PUM2: variants seen among roughly 807,000 people sequenced by gnomAD.
PUM2 encodes the protein pumilio RNA binding family member 2, also known as pumilio homolog 2.
PUM2 carries 57 observed loss-of-function variants against 124.5 expected under a neutral mutation model. That is an observed-to-expected ratio of 0.46 (90% CI 0.37 to 0.57). The LOEUF (loss-of-function observed/expected upper bound fraction) is 0.57, where lower values mean the gene tolerates loss of function less well. Among genes scored for constraint, PUM2 ranks in the 20% least tolerant of loss-of-function variants. PUM2 has a pLI of 0.00. For missense variants in PUM2, 1,065 were observed against 1,290.6 expected (o/e 0.83, Z 2.68); for synonymous variants, 460 against 446.1 (o/e 1.03, Z -0.39).
intron 10 of PUM2, among the ~76,000 whole-genome samples, chr2:20,284,301 C>T (rs905185763): frequency 5.9e-5 from 9 of 152,130 alleles, no homozygotes; most frequent in African/African-American, 1.4e-4. Context: ...CCTTATAAAG[C>T]GACAAAAAAC....
intron 1 of PUM2, among the ~76,000 whole-genome samples, chr2:20,329,909 T>C (rs147207886): frequency 9.4e-4 from 142 of 151,784 alleles, no homozygotes; most frequent in African/African-American, 3.3e-3. Context: ...ATGGTAAAAA[T>C]ATTGAAGAAA....
intron 1 of PUM2, among the ~76,000 whole-genome samples, chr2:20,346,966 C>G (rs912304295): frequency 3.3e-5 from 5 of 152,258 alleles, no homozygotes; most frequent in Middle Eastern, 6.8e-3. Context: ...CTTCAATTAC[C>G]TCCCTTCTCC....
chr2:20,263,195 A>G lies in PUM2; in HGVS notation c.2223T>C (p.Ser741=), dbSNP rs776480947. ...TGAGAAATATCATAATCACCTACCT[A>G]GAACCATGCTGGTCTTGAGAAAACT... The part of the protein sequence containing the change: ...IVEFSQDQHG[S]RFIQQKLERA... The change falls in exon 14 of 21, where the codon TCT becomes TCC. Residue 741 remains serine, a splice_region_variant and synonymous_variant. Transcript: ENST00000361078. 1.3e-6 allele frequency: 2 copies of G among 1,594,670 alleles called. No homozygotes were observed. Among genetic ancestry groups the G allele is most frequent in the Admixed American group, 3.3e-5 (2 of 59,998 alleles).
chr2:20,301,158 T>C (rs1051277199), intron 7 of PUM2, among the ~76,000 whole-genome samples: 5 of 152,228 alleles, frequency 3.3e-5, no homozygotes, highest in Non-Finnish European at 7.3e-5. Context: ...CCAACCACCT[T>C]GGGCACATGT....
intron 2 of PUM2, among the ~76,000 whole-genome samples, chr2:20,320,515 A>G (rs947209817): frequency 5.3e-5 from 8 of 152,154 alleles, no homozygotes; most frequent in East Asian, 1.9e-4. Flanking sequence ...TGAATTACAT[A>G]TATTTTGCTA....
At chr2:20,314,616 G>A (rs1354281132) in intron 3 of PUM2, among the ~76,000 whole-genome samples, 1 of 152,202 alleles carries the variant, frequency 6.6e-6, no homozygotes, top group African/African-American at 2.4e-5. Context: ...CATACTGGTA[G>A]CCAGTTATCA....
intron 1 of PUM2, among the ~76,000 whole-genome samples, chr2:20,330,146 G>A (rs1684597473): frequency 6.6e-6 from 1 of 152,188 alleles, no homozygotes; most frequent in Admixed American, 6.5e-5. Flanking sequence ...ACTTGGACCA[G>A]AAATAATGGG....
chr2:20,347,171 T>C (rs1271775873), intron 1 of PUM2, among the ~76,000 whole-genome samples: 1 of 152,238 alleles, frequency 6.6e-6, no homozygotes, highest in African/African-American at 2.4e-5. Flanking sequence ...ATCCAGTAGC[T>C]AAACTTGCAG....
intron 3 of PUM2, among the ~76,000 whole-genome samples, chr2:20,313,508 TA>T (rs1392777171): frequency 2.0e-5 from 3 of 152,108 alleles, no homozygotes; most frequent in African/African-American, 7.2e-5. Context: ...ATTTATAACG[TA>T]ACAATTCATA....
intron 7 of PUM2, among the ~76,000 whole-genome samples, chr2:20,304,308 A>G (rs1324745157): frequency 6.6e-6 from 1 of 152,130 alleles, no homozygotes; most frequent in African/African-American, 2.4e-5. Context: ...TCTCCAACCA[A>G]CTACATAACC....
chr2:20,320,936 T>C (rs1475012827), intron 2 of PUM2, among the ~76,000 whole-genome samples: 2 of 152,240 alleles, frequency 1.3e-5, no homozygotes, highest in African/African-American at 4.8e-5. Flanking sequence ...TTTTATCCCA[T>C]ACTTCATGAA....
chr2:20,308,782 TA>T lies in PUM2; in HGVS notation c.519-199del, dbSNP rs775313127. On this transcript the variant is annotated intron_variant, in intron 5 of 20. Coordinates refer to ENST00000361078, the MANE Select transcript of PUM2 (RefSeq NM_015317.5). The stretch of plus-strand genomic sequence containing the variant: ...AACAGCTGGCATGATTTGAGGATTT[TA>T]AAAATATTATTAATGATTACTCCCT... Among the ~76,000 whole-genome samples the T allele has an allele frequency of 1.9e-3, 291 of 152,222 alleles. 1 individual carries two copies. The highest frequency in any genetic ancestry group is 3.4e-3 in the Middle Eastern group (1 of 294).
chr2:20,277,752 T>C (rs920318988), intron 13 of PUM2, among the ~76,000 whole-genome samples: 3 of 152,142 alleles, frequency 2.0e-5, no homozygotes, highest in African/African-American at 7.2e-5. Context: ...ATCTTTCCAA[T>C]TACATAAAAG....
intron 7 of PUM2, among the ~76,000 whole-genome samples, chr2:20,298,952 C>T (rs1413214482): frequency 1.3e-5 from 2 of 152,200 alleles, no homozygotes; most frequent in Non-Finnish European, 2.9e-5. Flanking sequence ...TGAAGGGTGG[C>T]ACACCCAGGG....
Position 20,297,595 on chromosome 2 carries a change from G to C in PUM2, c.967C>G (p.Pro323Ala). 2 of 1,613,324 alleles carry C rather than the reference G, an allele frequency of 1.2e-6. No homozygotes were observed. The highest frequency in any genetic ancestry group is 8.5e-7 in the Non-Finnish European group (1 of 1,179,378). ...GCAGCCAATCCTGCTGCAGTATACG[G>C]ATCGGTCCCTGGAGGAGCAGCACTA... ...IISAAPPGTDPYTAAGLAAAA... is the reference protein window; with the variant it reads ...IISAAPPGTDAYTAAGLAAAA... The change falls in exon 8 of 21, where the codon CCG (proline) becomes GCG (alanine). Residue 323 changes from proline to alanine, a missense_variant. Pro to Ala is a conservative substitution (Grantham distance 27, BLOSUM62 -1). Around this residue, in one of 3 missense-constraint regions of PUM2, gnomAD observed 968 missense variants for 1,159.8 expected, o/e 0.83. Coordinates refer to ENST00000361078, the MANE Select transcript of PUM2 (RefSeq NM_015317.5).
chr2:20,348,411 G>A (rs1387936101), intron 1 of PUM2, among the ~76,000 whole-genome samples: 1 of 152,070 alleles, frequency 6.6e-6, no homozygotes, highest in East Asian at 1.9e-4. Context: ...AACCCAACAA[G>A]GTATTTAAGT....
At chr2:20,332,375 T>C (rs1264668330) in intron 1 of PUM2, among the ~76,000 whole-genome samples, 3 of 150,938 alleles carry the variant, frequency 2.0e-5, no homozygotes, top group Admixed American at 1.3e-4. Flanking sequence ...TTTTATTATC[T>C]TTCAATAATC....
At chr2:20,342,317 A>G (rs1032919533) in intron 1 of PUM2, among the ~76,000 whole-genome samples, 2 of 152,196 alleles carry the variant, frequency 1.3e-5, no homozygotes, top group African/African-American at 4.8e-5. Context: ...GTTCTCAGAA[A>G]TAAGTGATCC....
intron 13 of PUM2, among the ~76,000 whole-genome samples, chr2:20,278,350 A>G: frequency 6.6e-6 from 1 of 152,090 alleles, no homozygotes; most frequent in East Asian, 1.9e-4. Context: ...ACACCATTAT[A>G]TTTCATAAAA....
Sources: allele counts gnomAD v4.1 joint callset (sites outside exome capture counted in the v4.1 genomes callset), GRCh38; gene constraint gnomAD v4.1.1; regional missense constraint gnomAD v4.1.1; transcripts MANE v1.5; gene names NCBI Gene and HGNC (gene_info 2026-07-23, HGNC 2026-07-21).